Variants in LRRC43 observed in about 807,000 individuals in gnomAD.
LRRC43 encodes leucine-rich repeat-containing protein 43.
In LRRC43, 62 loss-of-function variants were observed where a neutral mutation model predicts 64.3. The observed-to-expected ratio is 0.96, with a 90% CI of 0.79 to 1.19. LRRC43 has a LOEUF of 1.19. LRRC43 is among the 50% of genes most tolerant of loss of function. The pLI is 0.00. For synonymous variants in LRRC43, 422 were observed against 382.3 expected (o/e 1.10, Z -1.21); for missense variants, 868 against 845.0 (o/e 1.03, Z -0.34).
chr12:122,172,844 T>C (rs1188352092), intron 1 of LRRC43: 9 of 875,376 alleles, frequency 1.0e-5, no homozygotes, highest in South Asian at 1.7e-5. Flanking sequence ...CTCGTTGATA[T>C]ATTTATCTGA....
At position 122,190,281 on chromosome 12, in the gene LRRC43, G is replaced by T; in HGVS notation, c.814G>T (p.Asp272Tyr). 1 of 1,614,120 alleles carries T rather than the reference G, an allele frequency of 6.2e-7. No homozygotes were observed. The highest frequency in any genetic ancestry group is 1.1e-5 in the South Asian group (1 of 91,070). ...LVPYYRGLTIDSLAQLCVLDD... is the reference protein window; with the variant it reads ...LVPYYRGLTIYSLAQLCVLDD... ...GCCCTACTACCGCGGCCTCACCATC[G>T]ACAGCCTGGCCCAGCTCTGCGTGCT... Residue 272 changes from aspartate to tyrosine, a missense_variant, in exon 5 of 12, where the codon GAC becomes TAC. Asp to Tyr is a radical substitution (Grantham distance 160, BLOSUM62 -3). Transcript: ENST00000339777.
In LRRC43 at chr12:122,190,110, C is replaced by A. The variant is rs200715996; in HGVS notation, c.663-20C>A. On this transcript the variant is annotated intron_variant, in intron 4 of 11. Coordinates refer to ENST00000339777, the MANE Select transcript of LRRC43 (RefSeq NM_001098519.2). Reference sequence around the variant, plus strand: ...CTCACCTGGCTTCTTGACCCCCAGACGGTCCTGCTCACCTTCCAGGCCCAA... The same window carrying A: ...CTCACCTGGCTTCTTGACCCCCAGAAGGTCCTGCTCACCTTCCAGGCCCAA... The A allele has an allele frequency of 3.1e-6, 5 of 1,598,448 alleles. No homozygotes were observed. In the East Asian group the frequency reaches 1.1e-4, roughly 36 times the overall value.
In LRRC43 at chr12:122,190,303, T is replaced by C; in HGVS notation, c.836T>C (p.Val279Ala). 1 of 1,614,130 alleles carries C rather than the reference T, an allele frequency of 6.2e-7. No homozygotes were observed. Among genetic ancestry groups the C allele is most frequent in the Non-Finnish European group, 8.5e-7 (1 of 1,180,008 alleles). The change falls in exon 5 of 12, where the codon GTG becomes GCG. Residue 279 changes from valine to alanine, a missense_variant. Transcript: ENST00000339777. ...ATCGACAGCCTGGCCCAGCTCTGCG[T>C]GCTGGACGACATCACCGTGTCTCCC... is the stretch of plus-strand genomic sequence containing the variant. The part of the protein sequence containing the change: ...LTIDSLAQLC[V>A]LDDITVSPNE...
In LRRC43 at chr12:122,172,995, A is replaced by G. The variant is rs114259616; in HGVS notation, c.-406+5213A>G. Reference sequence around the variant, plus strand: ...GAGGCCTCCCAGCCTTCCAGAACCCACTCTCACGTGCTCAGGGTGGTGGGA... The same window carrying G: ...GAGGCCTCCCAGCCTTCCAGAACCCGCTCTCACGTGCTCAGGGTGGTGGGA... On this transcript the variant is annotated intron_variant, in intron 1 of 5. Coordinates refer to the LRRC43 transcript ENST00000537729. Among the ~76,000 whole-genome samples, 840 of 151,496 alleles carry G rather than the reference A, an allele frequency of 5.5e-3. 8 individuals carry two copies. Among genetic ancestry groups the G allele is most frequent in the African/African-American group, 0.019 (785 of 41,238 alleles).
intron 1 of LRRC43, among the ~76,000 whole-genome samples, chr12:122,174,998 C>G (rs1953524860): frequency 6.6e-6 from 1 of 151,816 alleles, no homozygotes; most frequent in African/African-American, 2.4e-5. Flanking sequence ...TGCCACCATG[C>G]CCAGCTAATT....
intron 7 of LRRC43, among the ~76,000 whole-genome samples, chr12:122,197,680 G>T (rs972992443): frequency 6.6e-6 from 1 of 152,122 alleles, no homozygotes; most frequent in Admixed American, 6.5e-5. Flanking sequence ...AGATAGGGCT[G>T]CAGAGAGACA....
Position 122,200,674 on chromosome 12 carries a change from G to A in LRRC43, c.1620+14G>A. ...GAGCCGGCCAAGGTACCGGGCCTTG[G>A]TGCTGGGGAGGGCAGCCTGGCCACA... On this transcript the variant is annotated intron_variant, in intron 9 of 11. Coordinates refer to ENST00000339777, the MANE Select transcript of LRRC43 (RefSeq NM_001098519.2). The surrounding 1 kb of genome is among the most constrained non-coding windows in gnomAD (Gnocchi z 4.6). 6.2e-7 allele frequency: 1 copy of A among 1,613,652 alleles called. No homozygotes were observed. The highest frequency in any genetic ancestry group is 8.5e-7 in the Non-Finnish European group (1 of 1,179,906).
At position 122,184,567 on chromosome 12, in the gene LRRC43, G is replaced by A. The variant is rs762531779; in HGVS notation, c.199G>A (p.Val67Ile). Residue 67 changes from valine to isoleucine, a missense_variant, in exon 2 of 12, where the codon GTC (valine) becomes ATC (isoleucine). Physicochemically the swap from Val to Ile is conservative, Grantham distance 29. Coordinates refer to ENST00000339777, the MANE Select transcript of LRRC43 (RefSeq NM_001098519.2). The surrounding 1 kb of genome is among the most constrained non-coding windows in gnomAD (Gnocchi z 4.0). Reference protein sequence around the residue: ...PQTWRTWRELVPREEDVVSPG... With the variant: ...PQTWRTWRELIPREEDVVSPG... ...AACTTGGCGAACTTGGAGGGAGCTT[G>A]TCCCCAGAGAGGAGGATGTGGTGAG... The A allele has an allele frequency of 1.9e-6, 3 of 1,613,918 alleles. No homozygotes were observed. Among genetic ancestry groups the A allele is most frequent in the Non-Finnish European group, 2.5e-6 (3 of 1,179,876 alleles).
At position 122,187,730 on chromosome 12, in the gene LRRC43, C is replaced by G. The variant is rs778875166; in HGVS notation, c.552C>G (p.Ser184Arg). ...TGGAGCTCTACGGCAATGAGATCAGCAGCATGGAGTGTCTGTGTGCCCACC... is the reference window on the plus strand; with the variant it reads ...TGGAGCTCTACGGCAATGAGATCAGGAGCATGGAGTGTCTGTGTGCCCACC... ...KVLELYGNEI[S>R]SMECLCAHPP... Residue 184 changes from serine (S) to arginine (R), a missense_variant, in exon 4 of 12, where the codon AGC becomes AGG. By Grantham distance (110) the Ser-to-Arg change is moderately radical (BLOSUM62 -1). Coordinates refer to ENST00000339777, the MANE Select transcript of LRRC43 (RefSeq NM_001098519.2). 2.5e-6 allele frequency: 4 copies of G among 1,613,800 alleles called. No individual in the cohort carries two copies. The African/African-American group carries it at 5.3e-5, about 22-fold the overall frequency.
At chr12:122,180,225 AAGTG>A (rs1953570585), upstream of LRRC43, among the ~76,000 whole-genome samples, 2 of 152,016 alleles carry the variant, frequency 1.3e-5, no homozygotes, top group African/African-American at 4.8e-5. Context: ...AGTGAGGAAA[AAGTG>A]AGCATAGGCC....
intron 7 of LRRC43, among the ~76,000 whole-genome samples, chr12:122,197,130 C>T (rs1953780395): frequency 6.6e-6 from 1 of 152,102 alleles, no homozygotes; most frequent in South Asian, 2.1e-4. Context: ...TCCTGGGTGT[C>T]GCCCAAGTAT....
chr12:122,191,534 C>T lies in LRRC43; in HGVS notation c.1056C>T (p.Gly352=), dbSNP rs779792928. 19 of 1,613,952 alleles carry T rather than the reference C, an allele frequency of 1.2e-5. No individual in the cohort carries two copies. The highest frequency in any genetic ancestry group is 8.0e-5 in the African/African-American group (6 of 74,886). Residue 352 remains glycine (G), a synonymous_variant, in exon 6 of 12, where the codon GGC becomes GGT. Transcript: ENST00000339777. The part of the protein sequence containing the change: ...VTYDFVKDEE[G]EMNESAGVLA... Reference sequence around the variant, plus strand: ...ATGATTTTGTGAAAGATGAAGAAGGCGAAATGAATGAGTCCGCGGGCGTCC... The same window carrying T: ...ATGATTTTGTGAAAGATGAAGAAGGTGAAATGAATGAGTCCGCGGGCGTCC...
At chr12:122,188,108 TA>T (rs1953668026) in intron 4 of LRRC43, among the ~76,000 whole-genome samples, 1 of 152,182 alleles carries the variant, frequency 6.6e-6, no homozygotes, top group African/African-American at 2.4e-5. Context: ...TTTTTTATCT[TA>T]TTTTTTTATT....
At chr12:122,178,670 C>CA (rs931084895), upstream of LRRC43, among the ~76,000 whole-genome samples, 1 of 136,056 alleles carries the variant, frequency 7.3e-6, no homozygotes, top group Non-Finnish European at 1.5e-5. Flanking sequence ...CGGCTCACCA[C>CA]AACCTCTGCC....
At chr12:122,182,159 C>T (rs1013029553), upstream of LRRC43, among the ~76,000 whole-genome samples, 1 of 150,768 alleles carries the variant, frequency 6.6e-6, no homozygotes, top group African/African-American at 2.4e-5. Flanking sequence ...AGGCTGAGGC[C>T]AGTGGATTGC....
chr12:122,189,317 C>T, intron 4 of LRRC43: 1 of 423,294 alleles, frequency 2.4e-6, no homozygotes, highest in Admixed American at 2.5e-5. Flanking sequence ...GGGGTCCAAC[C>T]CTCTACATGC....
chr12:122,191,323 T>C, intron 5 of LRRC43, 57 bp from the exon 6 acceptor site: 2 of 1,490,808 alleles, frequency 1.3e-6, no homozygotes, highest in South Asian at 2.6e-5. Context: ...CCTCTTGCTT[T>C]CTATCTGCCA....
intron 1 of LRRC43, among the ~76,000 whole-genome samples, chr12:122,169,594 T>C (rs1264063168): frequency 6.6e-6 from 1 of 151,382 alleles, no homozygotes; most frequent in Non-Finnish European, 1.5e-5. Context: ...CGGGCGCCTG[T>C]AGTCCCAGCT....
At chr12:122,175,457 A>G (rs530220762) in intron 1 of LRRC43, among the ~76,000 whole-genome samples, 1 of 148,346 alleles carries the variant, frequency 6.7e-6, no homozygotes, top group Non-Finnish European at 1.5e-5. Flanking sequence ...GCGAGCCACC[A>G]CTCTGGCCTT....
Sources: gnomAD v4.1 joint callset for allele counts (sites outside exome capture counted in the v4.1 genomes callset) on GRCh38, gnomAD v4.1.1 for gene constraint, Gnocchi (gnomAD v3.1) non-coding constraint, MANE v1.5 for transcripts, NCBI Gene and HGNC (gene_info 2026-07-23, HGNC 2026-07-21) for gene names.